Variants in DST observed in about 807,000 individuals in gnomAD.
The protein encoded by DST is bullous pemphigoid antigen.
In DST, 253 loss-of-function variants were observed where a neutral mutation model predicts 875.2. The ratio of observed to expected loss-of-function variants is 0.29; its 90% CI spans 0.26 to 0.32. DST has a LOEUF of 0.32. Ranked by LOEUF, DST falls within the 10% of genes least tolerant of loss-of-function variation. The pLI, the probability that DST is intolerant of heterozygous loss-of-function variation, is 1.00. For synonymous variants in DST, 3,124 were observed against 3,197.1 expected (o/e 0.98, Z 0.77); for missense variants, 8,287 against 9,111.6 (o/e 0.91, Z 3.68).
intron 36 of DST, chr6:56,614,857 T>A: frequency 1.0e-6 from 1 of 993,962 alleles, no homozygotes; most frequent in South Asian, 4.6e-5. Flanking sequence ...AGAAGGCTGA[T>A]AGAATAGAGA....
chr6:56,538,730 A>T (rs2097064167), intron 61 of DST, among the ~76,000 whole-genome samples: 1 of 152,226 alleles, frequency 6.6e-6, no homozygotes, highest in Admixed American at 6.5e-5. Flanking sequence ...GTATATAGAC[A>T]ATTTCCATAC....
At chr6:56,503,371 C>G (rs2096199948) in intron 78 of DST, among the ~76,000 whole-genome samples, 1 of 151,762 alleles carries the variant, frequency 6.6e-6, no homozygotes, top group Non-Finnish European at 1.5e-5. Flanking sequence ...TATTTCATGC[C>G]TGTATCAAAA....
intron 3 of DST, among the ~76,000 whole-genome samples, chr6:56,874,539 A>G (rs1778809636): frequency 6.6e-6 from 1 of 152,182 alleles, no homozygotes; most frequent in Admixed American, 6.5e-5. Flanking sequence ...ATATTATCTC[A>G]TTTAATCCCT....
At chr6:56,556,797 T>A (rs184798949) in intron 59 of DST, among the ~76,000 whole-genome samples, 2 of 152,276 alleles carry the variant, frequency 1.3e-5, no homozygotes, top group East Asian at 3.9e-4. Flanking sequence ...ACTAGACTAG[T>A]CTAACTAACA....
In DST at chr6:56,582,613, T is replaced by A. The variant is rs180840598; in HGVS notation, c.12904-3676A>T. ...AAGTATTTCTTTTCTTTTTTTTTTT[T>A]ATTAAAGTTTTAGGGTACGTGTGCA... On this transcript the variant is annotated intron_variant, in intron 49 of 103. Transcript: ENST00000680361. 3.5e-3 allele frequency among the ~76,000 whole-genome samples: 533 copies of A among 151,206 alleles called. 1 individual carries two copies. Among genetic ancestry groups the A allele is most frequent in the African/African-American group, 0.012 (496 of 40,720 alleles).
intron 4 of DST, among the ~76,000 whole-genome samples, chr6:56,796,764 G>A (rs541232008): frequency 4.0e-5 from 6 of 151,838 alleles, no homozygotes; most frequent in South Asian, 2.1e-4. Flanking sequence ...CTGTAGTAAC[G>A]TAACAAGGAA....
chr6:56,856,020 G>A (rs1767679837), intron 3 of DST, among the ~76,000 whole-genome samples: 1 of 152,070 alleles, frequency 6.6e-6, no homozygotes, highest in Non-Finnish European at 1.5e-5. Flanking sequence ...CTACTATATT[G>A]TGTCTTCTAC....
intron 4 of DST, among the ~76,000 whole-genome samples, chr6:56,796,293 G>T (rs2099739644): frequency 6.6e-6 from 1 of 152,210 alleles, no homozygotes. Context: ...ATGCAAGAAA[G>T]AAACAGTCAT....
chr6:56,631,260 G>A lies in DST; in HGVS notation c.4093C>T (p.Leu1365Phe), dbSNP rs763852920. 10 of 1,613,828 alleles carry A rather than the reference G, an allele frequency of 6.2e-6. No homozygotes were observed. Among genetic ancestry groups the A allele is most frequent in the Non-Finnish European group, 8.5e-6 (10 of 1,179,890 alleles). ...PTLRSELNVV[L>F]QNMNQVYSMS... is the part of the protein sequence containing the mutation. The stretch of plus-strand genomic sequence containing the variant: ...GAATAGACTTGGTTCATGTTCTGAA[G>A]GACCACATTAAGCTCTGATCGTAGG... The change falls in exon 30 of 104, where the codon CTT (leucine) becomes TTT (phenylalanine). Residue 1365 changes from leucine (L) to phenylalanine (F), a missense_variant. Transcript: ENST00000680361.
intron 98 of DST, chr6:56,466,430 C>T (rs1194873705): frequency 6.0e-6 from 2 of 332,588 alleles, no homozygotes; most frequent in Non-Finnish European, 1.1e-5. Context: ...ATCAAGTATA[C>T]TACCAAAGCT....
Position 56,521,601 on chromosome 6 carries a change from GAAAAAAAAAAA to G in DST, c.18130-3992_18130-3982del, listed in dbSNP as rs10547460. 7.0e-3 allele frequency among the ~76,000 whole-genome samples: 647 copies of G among 92,074 alleles called. 4 individuals carry two copies. Among genetic ancestry groups the G allele is most frequent in the African/African-American group, 0.025 (612 of 24,610 alleles). 60.4% of individuals were successfully genotyped at this position (92,074 alleles called of 152,430 possible). On this transcript the variant is annotated intron_variant, in intron 69 of 103. Coordinates refer to ENST00000680361, the MANE Select transcript of DST (RefSeq NM_001374736.1). The stretch of plus-strand genomic sequence containing the variant: ...CAAGTCAAACATTTGCTCTGCTAAG[GAAAAAAAAAAA>G]AAAAAAAAAAAAAGACTTCAAACAG...
chr6:56,953,819 T>C lies in DST; in HGVS notation c.182A>G (p.Asp61Gly), dbSNP rs1823669868. 2.3e-6 allele frequency: 3 copies of C among 1,314,072 alleles called. No homozygotes were observed. Among genetic ancestry groups the C allele is most frequent in the African/African-American group, 1.5e-5 (1 of 66,388 alleles). 81.4% of individuals were successfully genotyped at this position (1,314,072 alleles called of 1,614,324 possible). ...SVFSGRSRSR[D>G]AVLRSHHFRS... is the part of the protein sequence containing the mutation. Reference sequence around the variant, plus strand: ...AAAGTGGTGCGATCTCAAAACAGCATCTGGGGAGAAAAGAGATAAATGAGA... The same window carrying C: ...AAAGTGGTGCGATCTCAAAACAGCACCTGGGGAGAAAAGAGATAAATGAGA... Residue 61 changes from aspartate to glycine, a missense_variant and splice_region_variant, in exon 2 of 104, where the codon GAT becomes GGT. Asp to Gly is a moderately conservative substitution (Grantham distance 94, BLOSUM62 -1). Transcript: ENST00000680361.
At chr6:56,772,084 T>C (rs2099667582) in intron 4 of DST, among the ~76,000 whole-genome samples, 1 of 152,092 alleles carries the variant, frequency 6.6e-6, no homozygotes, top group Non-Finnish European at 1.5e-5. Flanking sequence ...GCATGTGGGG[T>C]CCAGGTTATT....
At chr6:56,618,169 G>A (rs1278785241) in intron 36 of DST, 1 of 1,614,194 alleles carries the variant, frequency 6.2e-7, no homozygotes, top group Non-Finnish European at 8.5e-7. Context: ...AGTACTCAGA[G>A]TAACACTGCT....
At position 56,635,615 on chromosome 6, in the gene DST, G is replaced by T; in HGVS notation, c.3160C>A (p.Leu1054Ile). The stretch of plus-strand genomic sequence containing the variant: ...ATTGATTCCTGAACAAGGTCTTCTA[G>T]CTTGTGAATGCTGCTTGATCTATCA... Reference protein sequence around the residue: ...SCDRSSSIHKLEDLVQESMEE... With the variant: ...SCDRSSSIHKIEDLVQESMEE... Residue 1054 changes from leucine to isoleucine, a missense_variant, in exon 24 of 104, where the codon CTA (leucine) becomes ATA (isoleucine). This residue lies in a region of DST where 1,160 missense variants were observed against 1,424.3 expected (regional missense o/e 0.81). Coordinates refer to ENST00000680361, the MANE Select transcript of DST (RefSeq NM_001374736.1). The T allele has an allele frequency of 6.2e-7, 1 of 1,613,938 alleles. No homozygotes were observed. Among genetic ancestry groups the T allele is most frequent in the Non-Finnish European group, 8.5e-7 (1 of 1,179,878 alleles).
At chr6:56,845,989 T>G (rs1001385192) in intron 4 of DST, among the ~76,000 whole-genome samples, 2 of 152,152 alleles carry the variant, frequency 1.3e-5, no homozygotes, top group African/African-American at 4.8e-5. Flanking sequence ...GACTTTGGAG[T>G]AAAGACTGCC....
Position 56,616,973 on chromosome 6 carries a change from A to G in DST, c.4930-2489T>C, listed in dbSNP as rs779214947. 7.5e-6 allele frequency: 12 copies of G among 1,605,518 alleles called. No homozygotes were observed. The highest frequency in any genetic ancestry group is 9.4e-6 in the Non-Finnish European group (11 of 1,175,158). ...AGCTTCTAAAAATGCCAAAGCCACC[A>G]TTTTGTCTATTATGATTCTCTCGGC... is the stretch of plus-strand genomic sequence containing the variant. On this transcript the variant is annotated intron_variant, in intron 36 of 103. Transcript: ENST00000680361.
intron 22 of DST, chr6:56,638,944 T>C (rs1004402676): frequency 2.5e-6 from 1 of 396,524 alleles, no homozygotes; most frequent in South Asian, 2.5e-5. Context: ...GGCAATACTA[T>C]GTCACTTGTG....
intron 4 of DST, among the ~76,000 whole-genome samples, chr6:56,833,647 T>G (rs527623324): frequency 6.6e-6 from 1 of 152,022 alleles, no homozygotes; most frequent in Non-Finnish European, 1.5e-5. Context: ...ACTGTCAGAT[T>G]GCTGAACTCA....
Sources: allele counts gnomAD v4.1 joint callset (sites outside exome capture counted in the v4.1 genomes callset), GRCh38; gene constraint gnomAD v4.1.1; regional missense constraint gnomAD v4.1.1; transcripts MANE v1.5; gene names NCBI Gene and HGNC (gene_info 2026-07-23, HGNC 2026-07-21).